Variants in DEPDC1B observed in about 807,000 individuals in gnomAD.
The protein encoded by DEPDC1B is DEP domain-containing protein 1B.
A neutral mutation model predicts 66.5 loss-of-function variants in DEPDC1B; 51 were observed. The ratio of observed to expected loss-of-function variants is 0.77; its 90% CI spans 0.61 to 0.97. DEPDC1B has a LOEUF of 0.97. DEPDC1B is among the 50% of genes least tolerant of loss of function. The pLI, the probability that DEPDC1B is intolerant of heterozygous loss-of-function variation, is 0.00. For synonymous variants in DEPDC1B, 226 were observed against 223.6 expected (o/e 1.01, Z -0.10); for missense variants, 552 against 637.1 (o/e 0.87, Z 1.44).
intron 1 of DEPDC1B, chr5:60,687,875 C>A: frequency 5.4e-6 from 1 of 183,496 alleles, no homozygotes; most frequent in Non-Finnish European, 1.2e-5. Context: ...GAAAATGCAG[C>A]TTTTCAAGGG....
intron 7 of DEPDC1B, among the ~76,000 whole-genome samples, chr5:60,622,140 G>T (rs1752718058): frequency 6.6e-6 from 1 of 152,004 alleles, no homozygotes; most frequent in South Asian, 2.1e-4. Flanking sequence ...AGTGAGTTTT[G>T]ACAAATGCAT....
intron 7 of DEPDC1B, among the ~76,000 whole-genome samples, chr5:60,623,563 T>G (rs1203298595): frequency 6.6e-6 from 1 of 152,172 alleles, no homozygotes; most frequent in Non-Finnish European, 1.5e-5. Context: ...AAAAAAAGCT[T>G]GGATTTTTAC....
At chr5:60,620,034 T>C (rs1057352198) in intron 7 of DEPDC1B, among the ~76,000 whole-genome samples, 21 of 152,122 alleles carry the variant, frequency 1.4e-4, no homozygotes, top group Admixed American at 3.3e-4. Flanking sequence ...AAACAAGAAA[T>C]GGGGAAATGA....
At chr5:60,598,519 G>A (rs1584015328) in intron 10 of DEPDC1B, among the ~76,000 whole-genome samples, 1 of 152,142 alleles carries the variant, frequency 6.6e-6, no homozygotes, top group Non-Finnish European at 1.5e-5. Flanking sequence ...ACCTGATCAT[G>A]GATCAACCTT....
rs552005579 is a variant in DEPDC1B, at chr5:60,700,028, C to T, written c.48+18G>A. Reference sequence around the variant, plus strand: ...GCGGCACCGGGTGCTCCGCCCAGGCCCCAGCACACTCACTCACCAGCCTGG... The same window carrying T: ...GCGGCACCGGGTGCTCCGCCCAGGCTCCAGCACACTCACTCACCAGCCTGG... On this transcript the variant is annotated intron_variant, in intron 1 of 10. Transcript: ENST00000265036. 1.3e-3 allele frequency: 2,011 copies of T among 1,551,558 alleles called. 23 individuals are homozygous for T. Among genetic ancestry groups the T allele is most frequent in the East Asian group, 1.5e-3 (61 of 41,156 alleles).
rs191258026 is a variant in DEPDC1B at position 60,632,656 on chromosome 5, G to C, written c.898+6094C>G. Among the ~76,000 whole-genome samples, 386 of 152,350 alleles carry C rather than the reference G, an allele frequency of 2.5e-3. 3 individuals carry two copies. The highest frequency in any genetic ancestry group is 7.2e-3 in the African/African-American group (299 of 41,588). ...CTTGCTTCAAGGGCCCATGGCCTCCGAAGTGCTCAGCACCCAGGGCCTTGG... is the reference window on the plus strand; with the variant it reads ...CTTGCTTCAAGGGCCCATGGCCTCCCAAGTGCTCAGCACCCAGGGCCTTGG... On this transcript the variant is annotated intron_variant, in intron 7 of 10. Transcript: ENST00000265036.
intron 2 of DEPDC1B, among the ~76,000 whole-genome samples, chr5:60,678,075 T>A (rs1411612030): frequency 1.1e-4 from 16 of 152,156 alleles, no homozygotes; most frequent in Admixed American, 9.8e-4. Flanking sequence ...GAGGTACAAA[T>A]ACAGGTTTTG....
chr5:60,600,187 G>C (rs927910642), intron 9 of DEPDC1B, among the ~76,000 whole-genome samples: 1 of 152,106 alleles, frequency 6.6e-6, no homozygotes, highest in South Asian at 2.1e-4. Context: ...GAAGAGAGGG[G>C]TACTACAATC....
intron 1 of DEPDC1B, among the ~76,000 whole-genome samples, chr5:60,695,988 G>A (rs113671013): frequency 5.9e-5 from 9 of 152,134 alleles, no homozygotes; most frequent in African/African-American, 1.7e-4. Context: ...TAGTTGAGAC[G>A]GGGTTTCACC....
At chr5:60,698,028 A>T (rs1046106359) in intron 1 of DEPDC1B, among the ~76,000 whole-genome samples, 2 of 149,648 alleles carry the variant, frequency 1.3e-5, no homozygotes, top group African/African-American at 4.9e-5. Flanking sequence ...ATTATGAGGT[A>T]TTTTTTTTTT....
intron 5 of DEPDC1B, 98 bp downstream of exon 5, chr5:60,644,647 C>T (rs1311227505): frequency 9.8e-7 from 1 of 1,022,636 alleles, no homozygotes; most frequent in Non-Finnish European, 1.4e-6. Flanking sequence ...AAGGAACAAA[C>T]TTATTCAGGG....
At chr5:60,661,761 T>C (rs1753721024) in intron 2 of DEPDC1B, among the ~76,000 whole-genome samples, 1 of 152,108 alleles carries the variant, frequency 6.6e-6, no homozygotes, top group Non-Finnish European at 1.5e-5. Flanking sequence ...AGGTCAATGA[T>C]AGGATGACAA....
rs1554054892 is a variant in DEPDC1B, at chr5:60,667,642, A to AAATGGATATTTTACATATAT, written c.314+19319_314+19320insATATATGTAAAATATCCATT. 2.1e-3 allele frequency among the ~76,000 whole-genome samples: 262 copies of AAATGGATATTTTACATATAT among 124,816 alleles called. 3 individuals carry two copies. Among genetic ancestry groups the AAATGGATATTTTACATATAT allele is most frequent in the Middle Eastern group, 0.026 (2 of 78 alleles). 81.9% of individuals were successfully genotyped at this position (124,816 alleles called of 152,430 possible). The stretch of plus-strand genomic sequence containing the variant: ...AAAATGGATATTTTACATATATGAA[A>AAATGGATATTTTACATATAT]AATGGATATTTTACATGTATATAAT... On this transcript the variant is annotated intron_variant, in intron 2 of 10. Coordinates refer to ENST00000265036, the MANE Select transcript of DEPDC1B (RefSeq NM_018369.3).
At chr5:60,635,312 C>A (rs1451892287) in intron 7 of DEPDC1B, among the ~76,000 whole-genome samples, 1 of 152,162 alleles carries the variant, frequency 6.6e-6, no homozygotes, top group Non-Finnish European at 1.5e-5. Flanking sequence ...TTTCACTGCT[C>A]CAGAGGGTCT....
chr5:60,651,836 T>C (rs1486450286), intron 2 of DEPDC1B, among the ~76,000 whole-genome samples: 1 of 152,178 alleles, frequency 6.6e-6, no homozygotes, highest in African/African-American at 2.4e-5. Context: ...CTAGAAAAGG[T>C]GGATCTGGTG....
chr5:60,647,471 A>G lies in DEPDC1B; in HGVS notation c.377T>C (p.Ile126Thr). 2 of 1,613,114 alleles carry G rather than the reference A, an allele frequency of 1.2e-6. No homozygotes were observed. Among genetic ancestry groups the G allele is most frequent in the South Asian group, 2.2e-5 (2 of 90,962 alleles). ...PKKPPNQKDVIKFPEWNDLPP... is the reference protein window; with the variant it reads ...PKKPPNQKDVTKFPEWNDLPP... ...GAGATCATTCCATTCTGGAAATTTA[A>G]TAACATCCTTTTGGTTTGGGGGCTT... The change falls in exon 3 of 11, where the codon ATT becomes ACT. Residue 126 changes from isoleucine (I) to threonine (T), a missense_variant. Coordinates refer to ENST00000265036, the MANE Select transcript of DEPDC1B (RefSeq NM_018369.3).
At chr5:60,616,288 T>G (rs994772592) in intron 7 of DEPDC1B, among the ~76,000 whole-genome samples, 3 of 152,062 alleles carry the variant, frequency 2.0e-5, no homozygotes, top group African/African-American at 7.2e-5. Context: ...CAAAGCTGGA[T>G]GGAGAATGAC....
chr5:60,638,215 T>C (rs1367726708), intron 7 of DEPDC1B, among the ~76,000 whole-genome samples: 1 of 152,208 alleles, frequency 6.6e-6, no homozygotes, highest in African/African-American at 2.4e-5. Flanking sequence ...TCTACCATGT[T>C]CCTTTCAGTG....
chr5:60,645,446 G>A, intron 4 of DEPDC1B, 46 bp downstream of exon 4: 1 of 1,505,076 alleles, frequency 6.6e-7, no homozygotes, highest in Non-Finnish European at 8.9e-7. Context: ...TAGCAAAATA[G>A]GAAACAATAT....
Sources: allele counts gnomAD v4.1 joint callset (sites outside exome capture counted in the v4.1 genomes callset), GRCh38; gene constraint gnomAD v4.1.1; transcripts MANE v1.5; gene names NCBI Gene and HGNC (gene_info 2026-07-23, HGNC 2026-07-21).